The following SCIN variants were observed in gnomAD, a reference collection of about 807,000 sequenced individuals.
SCIN encodes scinderin.
Under a neutral mutation model 91.8 loss-of-function variants are expected in SCIN, and 91 were observed. The ratio of observed to expected loss-of-function variants is 0.99; its 90% CI spans 0.84 to 1.18. The LOEUF is 1.18. Among genes scored for constraint, SCIN ranks in the 50% most tolerant of loss-of-function variants. The probability of loss-of-function intolerance (pLI) is 0.00; values close to 1 mark genes in which losing one functional copy is unlikely to be tolerated. For missense variants in SCIN, 1,087 were observed against 863.9 expected, an observed-to-expected ratio of 1.26 and a Z score of -3.24; for synonymous variants, 367 against 312.6, an observed-to-expected ratio of 1.17 and a Z score of -1.84.
intron 4 of SCIN, among the ~76,000 whole-genome samples, chr7:12,607,630 A>G (rs896542807): frequency 6.6e-6 from 1 of 152,196 alleles, no homozygotes; most frequent in African/African-American, 2.4e-5. Flanking sequence ...CTTTGTTTTC[A>G]TTCAATACAT....
chr7:12,643,190 T>C (rs370800767), intron 11 of SCIN, among the ~76,000 whole-genome samples: 113 of 152,244 alleles, frequency 7.4e-4, no homozygotes, highest in African/African-American at 2.6e-3. Context: ...CAAACCAGCT[T>C]TCACATTCCC....
At chr7:12,575,309 T>A (rs1393233835) in intron 1 of SCIN, among the ~76,000 whole-genome samples, 2 of 151,726 alleles carry the variant, frequency 1.3e-5, no homozygotes, top group East Asian at 1.9e-4. Flanking sequence ...AATAGAGACC[T>A]TTTTATTTCT....
At chr7:12,639,346 A>C (rs1420583178) in intron 10 of SCIN, among the ~76,000 whole-genome samples, 1 of 152,248 alleles carries the variant, frequency 6.6e-6, no homozygotes, top group African/African-American at 2.4e-5. Flanking sequence ...TACTAATTGA[A>C]ATATATTTAT....
At chr7:12,577,698 T>C in intron 1 of SCIN, 1 of 414,062 alleles carries the variant, frequency 2.4e-6, no homozygotes. Flanking sequence ...CAAAACACTT[T>C]TTTGAGAATT....
rs1784128834 is a variant in SCIN, at chr7:12,653,938, T to C, written c.*1223T>C. The C allele has an allele frequency of 6.6e-6, 1 of 152,308 alleles. No homozygotes were observed. Among genetic ancestry groups the C allele is most frequent in the South Asian group, 2.1e-4 (1 of 4,828 alleles). The allele number at this position is 152,308 out of a possible 1,614,324, so 9.4% of individuals were successfully genotyped here. ...TATTCTATTCTATTATTTCATTCTA[T>C]TTTATTTCCAATATACCATTGTATA... On this transcript the variant is annotated 3_prime_UTR_variant, in exon 16 of 16. Transcript: ENST00000297029. The surrounding 1 kb of genome is among the most constrained non-coding windows in gnomAD (Gnocchi z 4.1).
chr7:12,595,959 G>C (rs1019839975), intron 3 of SCIN, among the ~76,000 whole-genome samples: 3 of 152,126 alleles, frequency 2.0e-5, no homozygotes, highest in Non-Finnish European at 4.4e-5. Context: ...GAAAGAATTC[G>C]ACTGACGGGC....
chr7:12,604,694 T>C, intron 4 of SCIN, 31 bp downstream of exon 4: 1 of 1,536,754 alleles, frequency 6.5e-7, no homozygotes, highest in Non-Finnish European at 8.8e-7. Context: ...TGTTAAAGGG[T>C]TACCACTCCA....
At chr7:12,630,978 C>A (rs1783630655) in intron 9 of SCIN, among the ~76,000 whole-genome samples, 1 of 152,106 alleles carries the variant, frequency 6.6e-6, no homozygotes, top group Non-Finnish European at 1.5e-5. Flanking sequence ...CATTTTATTT[C>A]ATGGTCTTCC....
intron 3 of SCIN, among the ~76,000 whole-genome samples, chr7:12,587,279 C>T (rs1238671299): frequency 6.6e-6 from 1 of 152,172 alleles, no homozygotes; most frequent in East Asian, 1.9e-4. Flanking sequence ...GCAGTTTGAA[C>T]TTATCCTACC....
At chr7:12,640,575 G>A in intron 11 of SCIN, 58 bp downstream of exon 11, 13 of 1,415,874 alleles carry the variant, frequency 9.2e-6, no homozygotes, top group Non-Finnish European at 1.1e-5. Flanking sequence ...ATGGACCTGA[G>A]CCATCAGCAA....
intron 9 of SCIN, among the ~76,000 whole-genome samples, chr7:12,635,611 CAAAAAAA>C (rs59324421): frequency 2.0e-3 from 12 of 5,856 alleles, no homozygotes; most frequent in South Asian, 0.02. Context: ...GACTCCGTCT[CAAAAAAA>C]AAAAAAAAAA....
intron 1 of SCIN, among the ~76,000 whole-genome samples, chr7:12,574,192 C>G (rs753845772): frequency 2.6e-5 from 4 of 152,050 alleles, no homozygotes; most frequent in Non-Finnish European, 4.4e-5. Flanking sequence ...ACATCTGTAC[C>G]AACTAATACT....
At chr7:12,629,060 A>C in intron 8 of SCIN, 41 bp from the exon 9 acceptor site, 1 of 1,522,630 alleles carries the variant, frequency 6.6e-7, no homozygotes, top group Non-Finnish European at 8.9e-7. Flanking sequence ...TTATTAGATC[A>C]AGAAAATTGT....
chr7:12,575,713 G>A (rs886837095), intron 1 of SCIN, among the ~76,000 whole-genome samples: 10 of 152,022 alleles, frequency 6.6e-5, no homozygotes, highest in African/African-American at 1.7e-4. Flanking sequence ...AAAAGACACC[G>A]GTAAAATCAG....
chr7:12,620,065 A>T lies in SCIN; in HGVS notation c.667-2736A>T, dbSNP rs534039223. Among the ~76,000 whole-genome samples, 90 of 152,152 alleles carry T rather than the reference A, an allele frequency of 5.9e-4. 2 individuals carry two copies. Among genetic ancestry groups the T allele is most frequent in the South Asian group, 3.7e-3 (18 of 4,826 alleles). On this transcript the variant is annotated intron_variant, in intron 4 of 15. Coordinates refer to ENST00000297029, the MANE Select transcript of SCIN (RefSeq NM_001112706.3). ...AAGTTTGTACATATATATCTATCAA[A>T]TGATAGACATATATGTACAAACTTT...
intron 4 of SCIN, among the ~76,000 whole-genome samples, chr7:12,610,411 A>C (rs1232157088): frequency 6.6e-6 from 1 of 152,212 alleles, no homozygotes. Context: ...ACTTCTTCAA[A>C]GTACTTTGCA....
At chr7:12,572,156 G>C (rs1351141962) in intron 1 of SCIN, among the ~76,000 whole-genome samples, 3 of 152,154 alleles carry the variant, frequency 2.0e-5, no homozygotes, top group Non-Finnish European at 4.4e-5. Context: ...GCAAACACCT[G>C]GAACAGGCAT....
At chr7:12,579,129 C>T (rs749880598) in intron 2 of SCIN, among the ~76,000 whole-genome samples, 1 of 151,870 alleles carries the variant, frequency 6.6e-6, no homozygotes, top group Non-Finnish European at 1.5e-5. Context: ...AGACCTGAAA[C>T]CTTAGAGCTT....
At chr7:12,649,605 T>C in intron 14 of SCIN, 61 bp downstream of exon 14, 1 of 1,107,114 alleles carries the variant, frequency 9.0e-7, no homozygotes. Flanking sequence ...TGACAGAACT[T>C]GATCTGAGAA....
Sources: allele counts gnomAD v4.1 joint callset (sites outside exome capture counted in the v4.1 genomes callset), GRCh38; gene constraint gnomAD v4.1.1; non-coding constraint Gnocchi (gnomAD v3.1); transcripts MANE v1.5; gene names NCBI Gene and HGNC (gene_info 2026-07-23, HGNC 2026-07-21).